Variants in PSAT1 observed in about 807,000 individuals in gnomAD.
PSAT1 encodes the protein phosphoserine aminotransferase 1.
A neutral mutation model predicts 40.3 loss-of-function variants in PSAT1; 41 were observed. That is an observed-to-expected ratio of 1.02 (90% CI 0.79 to 1.32). The LOEUF (loss-of-function observed/expected upper bound fraction) is 1.32. PSAT1 is among the 40% of genes most tolerant of loss of function. PSAT1 has a pLI of 0.00. For synonymous variants in PSAT1, 147 were observed against 170.5 expected (o/e 0.86, Z 1.07); for missense variants, 406 against 455.8 (o/e 0.89, Z 0.99).
intron 3 of PSAT1, among the ~76,000 whole-genome samples, chr9:78,302,777 C>A (rs1296807322): frequency 6.6e-6 from 1 of 150,896 alleles, no homozygotes; most frequent in Non-Finnish European, 1.5e-5. Flanking sequence ...TGGTGGGCAC[C>A]ACTTAGTCCT....
rs2277148 is a variant in PSAT1 at position 78,297,199 on chromosome 9, G to C, written c.-12G>C. ...TCCTCCTTGGCTGACTCACCGCCCT[G>C]GCCGCCGCACCATGGACGCCCCCAG... On this transcript the variant is annotated 5_prime_UTR_variant, in exon 1 of 9. Coordinates refer to ENST00000376588, the MANE Select transcript of PSAT1 (RefSeq NM_058179.4). The C allele has an allele frequency of 0.78, 1,243,294 of 1,593,282 alleles. 486,704 individuals carry two copies. Among genetic ancestry groups the C allele is most frequent in the Admixed American group, 0.86 (50,366 of 58,398 alleles).
intron 7 of PSAT1, among the ~76,000 whole-genome samples, chr9:78,323,943 T>G (rs961014767): frequency 3.3e-5 from 5 of 151,980 alleles, no homozygotes; most frequent in Admixed American, 2.6e-4. Flanking sequence ...GACTGTGGAG[T>G]GATGTTTCTT....
At chr9:78,311,147 G>T (rs540471124) in intron 6 of PSAT1, among the ~76,000 whole-genome samples, 2 of 152,274 alleles carry the variant, frequency 1.3e-5, no homozygotes, top group South Asian at 4.1e-4. Flanking sequence ...TACCTCTGGG[G>T]AAGCACCAGT....
chr9:78,329,325 A>G lies in PSAT1; in HGVS notation c.*239A>G, dbSNP rs1828547878. ...TTTTAAGAAATCTTGTTGCTTTTCT[A>G]ACAAATTCCCGCGTATTTTGCCTTT... On this transcript the variant is annotated 3_prime_UTR_variant, in exon 9 of 9. Transcript: ENST00000376588. The G allele has an allele frequency of 1.9e-6, 1 of 516,536 alleles. No homozygotes were observed. Among genetic ancestry groups the G allele is most frequent in the African/African-American group, 1.9e-5 (1 of 52,106 alleles). The allele number at this position is 516,536 out of a possible 1,614,324, so 32.0% of individuals were successfully genotyped here.
intron 7 of PSAT1, among the ~76,000 whole-genome samples, chr9:78,326,955 A>ATATATATATTTTTTTTT: frequency 2.5e-4 from 19 of 75,930 alleles, no homozygotes; most frequent in African/African-American, 1.7e-3. Flanking sequence ...ATATATATAT[A>ATATATATATTTTTTTTT]TTTTTTTTTT....
intron 1 of PSAT1, among the ~76,000 whole-genome samples, chr9:78,299,974 G>A (rs1828084409): frequency 6.6e-6 from 1 of 151,702 alleles, no homozygotes; most frequent in African/African-American, 2.4e-5. Context: ...CACTTATTTT[G>A]TGTTCATTTT....
intron 4 of PSAT1, among the ~76,000 whole-genome samples, chr9:78,305,625 GT>G (rs1828170493): frequency 6.6e-6 from 1 of 152,148 alleles, no homozygotes; most frequent in African/African-American, 2.4e-5. Flanking sequence ...ATTCTCCCAA[GT>G]TTCAATGCCT....
intron 5 of PSAT1, 89 bp from the exon 6 acceptor site, chr9:78,308,325 A>G: frequency 1.4e-6 from 2 of 1,457,186 alleles, no homozygotes; most frequent in East Asian, 4.5e-5. Flanking sequence ...CCTTAAAAAA[A>G]TTGTGCTTCG....
At chr9:78,303,018 A>G (rs555243339) in intron 3 of PSAT1, among the ~76,000 whole-genome samples, 1 of 152,316 alleles carries the variant, frequency 6.6e-6, no homozygotes, top group South Asian at 2.1e-4. Context: ...GTTTGAAAGC[A>G]TACCATTTTT....
intron 6 of PSAT1, among the ~76,000 whole-genome samples, chr9:78,315,092 G>A (rs900461444): frequency 4.6e-5 from 7 of 152,144 alleles, no homozygotes; most frequent in Non-Finnish European, 8.8e-5. Context: ...CCTCGTGTCT[G>A]GAATGCACAC....
In PSAT1 at chr9:78,329,869, C is replaced by G. The variant is rs889437649; in HGVS notation, c.*783C>G. The G allele has an allele frequency of 5.9e-5, 9 of 152,256 alleles. No individual in the cohort carries two copies. The highest frequency in any genetic ancestry group is 1.3e-4 in the Non-Finnish European group (9 of 68,016). 9.4% of individuals were successfully genotyped at this position (152,256 alleles called of 1,614,324 possible). On this transcript the variant is annotated 3_prime_UTR_variant, in exon 9 of 9. Transcript: ENST00000376588. Reference sequence around the variant, plus strand: ...AAGTTCTTGATTCATTTTTACCATTCTTTCCATAGGTAGAAGAGAAAGTTG... The same window carrying G: ...AAGTTCTTGATTCATTTTTACCATTGTTTCCATAGGTAGAAGAGAAAGTTG...
chr9:78,302,259 T>C (rs531206651), intron 3 of PSAT1, among the ~76,000 whole-genome samples: 11 of 152,336 alleles, frequency 7.2e-5, no homozygotes, highest in Admixed American at 7.2e-4. Context: ...TTTGAAATCA[T>C]TGTATCTAGG....
At chr9:78,310,448 G>A (rs1828249717) in intron 6 of PSAT1, among the ~76,000 whole-genome samples, 1 of 152,040 alleles carries the variant, frequency 6.6e-6, no homozygotes, top group Non-Finnish European at 1.5e-5. Flanking sequence ...CTCTCAACAG[G>A]ATTTTCTTGT....
At chr9:78,327,296 CT>C (rs1828515559) in intron 7 of PSAT1, among the ~76,000 whole-genome samples, 1 of 152,108 alleles carries the variant, frequency 6.6e-6, no homozygotes, top group African/African-American at 2.4e-5. Context: ...GGAGGAGAGG[CT>C]GTAAGGTCTT....
At chr9:78,319,743 C>T (rs1477851785) in intron 7 of PSAT1, among the ~76,000 whole-genome samples, 1 of 152,132 alleles carries the variant, frequency 6.6e-6, no homozygotes, top group Non-Finnish European at 1.5e-5. Flanking sequence ...TGGAATTAGG[C>T]AGAGAAGAGG....
chr9:78,315,400 A>G (rs1359630470), intron 6 of PSAT1, among the ~76,000 whole-genome samples: 1 of 152,236 alleles, frequency 6.6e-6, no homozygotes, highest in Non-Finnish European at 1.5e-5. Flanking sequence ...ATTGTGATCA[A>G]TAAAGATAGG....
intron 7 of PSAT1, among the ~76,000 whole-genome samples, chr9:78,318,375 C>T (rs1023513258): frequency 6.6e-6 from 1 of 152,196 alleles, no homozygotes; most frequent in African/African-American, 2.4e-5. Flanking sequence ...ACCACTGCCC[C>T]TGCACCTGGG....
intron 3 of PSAT1, 90 bp from the exon 4 acceptor site, chr9:78,304,645 C>T (rs1468340877): frequency 2.4e-6 from 3 of 1,265,020 alleles, no homozygotes; most frequent in Non-Finnish European, 3.5e-6. Context: ...GTAAATCCAC[C>T]CAAGTTAAAG....
intron 3 of PSAT1, among the ~76,000 whole-genome samples, chr9:78,303,326 G>A (rs868831150): frequency 9.2e-5 from 14 of 152,100 alleles, no homozygotes; most frequent in Admixed American, 1.3e-4. Context: ...GGCTTCTCTC[G>A]TCCATTGGCC....
Sources: gnomAD v4.1 joint callset for allele counts (sites outside exome capture counted in the v4.1 genomes callset) on GRCh38, gnomAD v4.1.1 for gene constraint, MANE v1.5 for transcripts, NCBI Gene and HGNC (gene_info 2026-07-23, HGNC 2026-07-21) for gene names.